The following RPS6KC1 variants were observed in gnomAD, a reference collection of about 807,000 sequenced individuals.
RPS6KC1 encodes inactive ribosomal protein S6 kinase delta-1.
Under a neutral mutation model 103.8 loss-of-function variants are expected in RPS6KC1, and 54 were observed. That is an observed-to-expected ratio of 0.52 (90% CI 0.42 to 0.65). The LOEUF (loss-of-function observed/expected upper bound fraction) is 0.65, where lower values mean the gene tolerates loss of function less well. Ranked by LOEUF, RPS6KC1 falls within the 30% of genes least tolerant of loss-of-function variation. The pLI is 0.00. For synonymous variants in RPS6KC1, 439 were observed against 438.7 expected, an observed-to-expected ratio of 1.00 and a Z score of -0.01; for missense variants, 1,151 against 1,253.8, an observed-to-expected ratio of 0.92 and a Z score of 1.24.
At chr1:213,251,087 G>T (rs917992817) in intron 12 of RPS6KC1, among the ~76,000 whole-genome samples, 3 of 143,806 alleles carry the variant, frequency 2.1e-5, no homozygotes, top group Non-Finnish European at 4.5e-5. Flanking sequence ...TTCTTTATTC[G>T]CCCAGGTTTT....
intron 8 of RPS6KC1, among the ~76,000 whole-genome samples, chr1:213,180,985 G>A (rs1324860451): frequency 6.6e-6 from 1 of 152,100 alleles, no homozygotes; most frequent in African/African-American, 2.4e-5. Context: ...TACTTTCCTG[G>A]TTTTGATATT....
chr1:213,125,221 CT>C (rs2084836483), intron 5 of RPS6KC1, among the ~76,000 whole-genome samples: 1 of 151,864 alleles, frequency 6.6e-6, no homozygotes, highest in African/African-American at 2.4e-5. Flanking sequence ...AGCCTTTTTT[CT>C]GTGTGTGTTT....
At chr1:213,215,583 C>T (rs1344303825) in intron 8 of RPS6KC1, among the ~76,000 whole-genome samples, 1 of 152,154 alleles carries the variant, frequency 6.6e-6, no homozygotes, top group African/African-American at 2.4e-5. Context: ...TTGTCAGATT[C>T]ACCAAACTTG....
intron 1 of RPS6KC1, among the ~76,000 whole-genome samples, chr1:213,055,635 C>A (rs2077275035): frequency 6.6e-6 from 1 of 152,106 alleles, no homozygotes; most frequent in Non-Finnish European, 1.5e-5. Context: ...AGTCTAAGTA[C>A]TCTTTCTTTC....
At chr1:213,684,572 T>G in the RPS6KC1 span, among the ~76,000 whole-genome samples, 2 of 152,318 alleles carry the variant, frequency 1.3e-5, no homozygotes, top group African/African-American at 4.8e-5. Context: ...CTTGAGGAAC[T>G]GTCCCCATGC....
chr1:213,349,977 C>G, the RPS6KC1 span, among the ~76,000 whole-genome samples: 2 of 152,172 alleles, frequency 1.3e-5, no homozygotes, highest in Admixed American at 6.5e-5. Flanking sequence ...TCACCCAACT[C>G]ATGGCTGAGA....
chr1:213,544,456 G>A, the RPS6KC1 span, among the ~76,000 whole-genome samples: 2 of 152,140 alleles, frequency 1.3e-5, no homozygotes. Context: ...TAAAACCCTA[G>A]AATGTGTCTC....
chr1:213,606,485 G>T, the RPS6KC1 span, among the ~76,000 whole-genome samples: 1 of 152,214 alleles, frequency 6.6e-6, no homozygotes, highest in Non-Finnish European at 1.5e-5. Context: ...CCATGTGTTT[G>T]AAGTTGCTAT....
chr1:213,117,166 T>G (rs1213127531), intron 4 of RPS6KC1, 151 bp from the exon 5 acceptor site: 6 of 512,148 alleles, frequency 1.2e-5, no homozygotes, highest in Non-Finnish European at 2.1e-5. Context: ...TACCTATTGT[T>G]TTTTTTTGAA....
chr1:213,243,020 A>G (rs944883158), intron 12 of RPS6KC1, among the ~76,000 whole-genome samples: 1 of 151,796 alleles, frequency 6.6e-6, no homozygotes, highest in Non-Finnish European at 1.5e-5. Flanking sequence ...TTTTTGAGAC[A>G]TACCTCACTC....
chr1:213,343,461 C>T, the RPS6KC1 span, among the ~76,000 whole-genome samples: 1 of 114,594 alleles, frequency 8.7e-6, no homozygotes. Context: ...GAATACTACT[C>T]AACCATAAAA....
intron 3 of RPS6KC1, among the ~76,000 whole-genome samples, chr1:213,094,593 C>T (rs1398480698): frequency 6.6e-6 from 1 of 152,134 alleles, no homozygotes; most frequent in Admixed American, 6.5e-5. Flanking sequence ...TATCTGTCAT[C>T]AGAGTATGAC....
At chr1:213,261,378 A>AT (rs1383370676) in intron 12 of RPS6KC1, among the ~76,000 whole-genome samples, 180 bp from the exon 13 acceptor site, 11 of 152,174 alleles carry the variant, frequency 7.2e-5, no homozygotes, top group African/African-American at 2.2e-4. Flanking sequence ...CAAAAAAAAA[A>AT]ATATATGCAA....
At chr1:213,757,126 G>A in the RPS6KC1 span, among the ~76,000 whole-genome samples, 3 of 151,998 alleles carry the variant, frequency 2.0e-5, no homozygotes, top group Non-Finnish European at 2.9e-5. Flanking sequence ...ATTAAAATTA[G>A]GCCAATTAAT....
chr1:213,164,267 C>T (rs113784440), intron 6 of RPS6KC1, among the ~76,000 whole-genome samples: 1,999 of 152,186 alleles, frequency 0.013, 46 homozygotes, highest in African/African-American at 0.044. Context: ...ATCTGTATAC[C>T]GTGCCTTCTA....
At chr1:213,798,552 C>T in the RPS6KC1 span, among the ~76,000 whole-genome samples, 1 of 152,212 alleles carries the variant, frequency 6.6e-6, no homozygotes, top group African/African-American at 2.4e-5. Flanking sequence ...TGTGGCTGAA[C>T]TGTGAAGCAT....
At chr1:213,542,401 T>A in the RPS6KC1 span, among the ~76,000 whole-genome samples, 1 of 152,228 alleles carries the variant, frequency 6.6e-6, no homozygotes, top group East Asian at 1.9e-4. Context: ...ACAGAGCCAG[T>A]GTCCCCATCT....
the RPS6KC1 span, among the ~76,000 whole-genome samples, chr1:213,401,787 T>A: frequency 6.6e-6 from 1 of 151,998 alleles, no homozygotes; most frequent in East Asian, 1.9e-4. Flanking sequence ...TTACTTACTT[T>A]ATTTATTTAT....
chr1:213,091,999 T>C (rs964439992), intron 3 of RPS6KC1, among the ~76,000 whole-genome samples: 2 of 152,036 alleles, frequency 1.3e-5, no homozygotes, highest in Non-Finnish European at 2.9e-5. Flanking sequence ...CATATTATAC[T>C]CGTAATCATT....
Sources: allele counts gnomAD v4.1 joint callset (sites outside exome capture counted in the v4.1 genomes callset), GRCh38; gene constraint gnomAD v4.1.1; transcripts MANE v1.5; gene names NCBI Gene and HGNC (gene_info 2026-07-23, HGNC 2026-07-21).